Variants in RASA1 observed in about 807,000 individuals in gnomAD.
The protein encoded by RASA1 is ras GTPase-activating protein 1.
RASA1 carries 25 observed loss-of-function variants against 132.2 expected under a neutral mutation model. The ratio of observed to expected loss-of-function variants is 0.19; its 90% CI spans 0.14 to 0.26. RASA1 has a LOEUF of 0.26. Among genes scored for constraint, RASA1 ranks in the 10% least tolerant of loss-of-function variants. The pLI is 1.00. For synonymous variants in RASA1, 477 were observed against 449.9 expected (o/e 1.06, Z -0.76); for missense variants, 964 against 1,299.2 (o/e 0.74, Z 3.97).
intron 22 of RASA1, 29 bp from the exon 23 acceptor site, chr5:87,386,797 G>C: frequency 6.3e-7 from 1 of 1,584,668 alleles, no homozygotes; most frequent in African/African-American, 1.3e-5. Context: ...TGTTTCTGGT[G>C]CATATAACAG....
chr5:87,376,728 T>A, intron 16 of RASA1, 153 bp from the exon 17 acceptor site: 1 of 1,209,926 alleles, frequency 8.3e-7, no homozygotes, highest in Non-Finnish European at 1.2e-6. Context: ...TAGAAATAAG[T>A]AGACTACGAA....
intron 5 of RASA1, among the ~76,000 whole-genome samples, chr5:87,338,536 A>ATATTTTTTTTTTTT: frequency 2.3e-5 from 2 of 85,222 alleles, no homozygotes; most frequent in African/African-American, 8.8e-5. Context: ...TATATATAAA[A>ATATTTTTTTTTTTT]TTTTTTTTTT....
chr5:87,271,452 C>CTTTTTTTTTTTTT (rs201918763), intron 1 of RASA1, among the ~76,000 whole-genome samples: 2 of 38,228 alleles, frequency 5.2e-5, no homozygotes, highest in Non-Finnish European at 5.0e-5. Flanking sequence ...TAGTAGACTT[C>CTTTTTTTTTTTTT]TTTTTTTTTT....
At chr5:87,365,143 A>G (rs1252407985) in intron 11 of RASA1, among the ~76,000 whole-genome samples, 1 of 152,212 alleles carries the variant, frequency 6.6e-6, no homozygotes, top group Non-Finnish European at 1.5e-5. Context: ...TCAGTTGGAT[A>G]GTTGAGCAGA....
At chr5:87,367,222 G>A (rs568266110) in intron 11 of RASA1, among the ~76,000 whole-genome samples, 13 of 152,114 alleles carry the variant, frequency 8.5e-5, no homozygotes, top group South Asian at 2.1e-4. Context: ...CCATATAATA[G>A]GACAAGTAGA....
At chr5:87,303,232 C>T (rs1755458002) in intron 1 of RASA1, among the ~76,000 whole-genome samples, 1 of 152,092 alleles carries the variant, frequency 6.6e-6, no homozygotes, top group Non-Finnish European at 1.5e-5. Context: ...TGACCTTTTT[C>T]ATTTGTTCAG....
chr5:87,281,604 G>A (rs536226174), intron 1 of RASA1, among the ~76,000 whole-genome samples: 3 of 151,132 alleles, frequency 2.0e-5, no homozygotes, highest in East Asian at 1.9e-4. Flanking sequence ...TTTTTGAGAC[G>A]GAGGCTTGTT....
intron 1 of RASA1, among the ~76,000 whole-genome samples, chr5:87,307,268 G>T (rs1045251019): frequency 6.6e-5 from 10 of 152,014 alleles, no homozygotes; most frequent in Admixed American, 2.0e-4. Context: ...TAACTTTTCT[G>T]TATTTTCTGT....
intron 24 of RASA1, among the ~76,000 whole-genome samples, chr5:87,389,957 C>G (rs1367472533): frequency 6.6e-6 from 1 of 152,080 alleles, no homozygotes; most frequent in African/African-American, 2.4e-5. Flanking sequence ...AATTTCACAT[C>G]CAGAGGTTCT....
chr5:87,314,323 G>A (rs1293299647), intron 1 of RASA1, among the ~76,000 whole-genome samples: 1 of 152,222 alleles, frequency 6.6e-6, no homozygotes, highest in Non-Finnish European at 1.5e-5. Flanking sequence ...TAAGCAATGG[G>A]ACTTTTTCAG....
rs1267813364 is a variant in RASA1 at position 87,287,457 on chromosome 5, C to CAT, written c.539+18475_539+18476dup. The stretch of plus-strand genomic sequence containing the variant: ...CCATATATATACACCATATATATAC[C>CAT]ATATATATACACACCATATATATAC... On this transcript the variant is annotated intron_variant, in intron 1 of 24. Transcript: ENST00000274376. Among the ~76,000 whole-genome samples, 4 of 134,030 alleles carry CAT rather than the reference C, an allele frequency of 3.0e-5. 1 individual carries two copies. The highest frequency in any genetic ancestry group is 2.4e-4 in the South Asian group (1 of 4,084). The allele number at this position is 134,030 out of a possible 152,430, so 87.9% of individuals were successfully genotyped here.
intron 1 of RASA1, among the ~76,000 whole-genome samples, chr5:87,321,737 TGCCCACCTTCAC>T (rs1191970878): frequency 2.0e-5 from 3 of 152,258 alleles, no homozygotes; most frequent in Non-Finnish European, 4.4e-5. Flanking sequence ...CTCACCTTCT[TGCCCACCTTCAC>T]ATGTTCAGCT....
chr5:87,370,186 G>A (rs1760827172), intron 12 of RASA1, among the ~76,000 whole-genome samples: 1 of 152,140 alleles, frequency 6.6e-6, no homozygotes, highest in Non-Finnish European at 1.5e-5. Context: ...AATCCTCTCT[G>A]CATAAAGGTT....
intron 1 of RASA1, among the ~76,000 whole-genome samples, chr5:87,274,907 A>T (rs1414054383): frequency 6.6e-6 from 1 of 152,214 alleles, no homozygotes; most frequent in Non-Finnish European, 1.5e-5. Context: ...TCTGGTCTAC[A>T]GAACTTTTAG....
rs1015433842 is a variant in RASA1 at position 87,268,451 on chromosome 5, C to T, written c.-1C>T. ...TAGGGCAGAGTAGAGCGGGCTTCAA[C>T]ATGATGGCGGCCGAGGCCGGCAGTG... On this transcript the variant is annotated 5_prime_UTR_variant, in exon 1 of 25. Transcript: ENST00000274376. 12 of 1,545,442 alleles carry T rather than the reference C, an allele frequency of 7.8e-6. No individual in the cohort carries two copies. Among genetic ancestry groups the T allele is most frequent in the Non-Finnish European group, 1.0e-5 (12 of 1,144,866 alleles).
chr5:87,329,581 CA>C (rs1476937479), intron 1 of RASA1, among the ~76,000 whole-genome samples: 1 of 152,016 alleles, frequency 6.6e-6, no homozygotes, highest in African/African-American at 2.4e-5. Flanking sequence ...ATGGTAAGTT[CA>C]AAAGATGAAG....
intron 1 of RASA1, among the ~76,000 whole-genome samples, chr5:87,288,157 C>A (rs954123809): frequency 7.6e-5 from 11 of 144,024 alleles, no homozygotes; most frequent in African/African-American, 2.8e-4. Flanking sequence ...TATATATATA[C>A]CATATATATA....
At chr5:87,376,666 G>C in intron 16 of RASA1, 101 bp downstream of exon 16, 1 of 1,403,304 alleles carries the variant, frequency 7.1e-7, no homozygotes, top group Non-Finnish European at 9.9e-7. Flanking sequence ...TCATAGCTTA[G>C]TAGCACAATG....
chr5:87,374,304 G>A lies in RASA1; in HGVS notation c.1918G>A (p.Glu640Lys). Residue 640 changes from glutamate to lysine, a missense_variant, in exon 14 of 25, where the codon GAA (glutamate) becomes AAA (lysine). Glu to Lys is a moderately conservative substitution (Grantham distance 56, BLOSUM62 1). This residue lies in a region of RASA1 where 346 missense variants were observed against 520.1 expected (regional missense o/e 0.67). Transcript: ENST00000274376. ...GGAAGGGCAAAACCCAGTATGGTCAGAAGAGTTTGTCTTTGAGTAAGTCTT... is the reference window on the plus strand; with the variant it reads ...GGAAGGGCAAAACCCAGTATGGTCAAAAGAGTTTGTCTTTGAGTAAGTCTT... ...AREGQNPVWS[E>K]EFVFDDLPPD... The A allele has an allele frequency of 6.2e-7, 1 of 1,606,538 alleles. No individual in the cohort carries two copies.
Sources: allele counts gnomAD v4.1 joint callset (sites outside exome capture counted in the v4.1 genomes callset), GRCh38; gene constraint gnomAD v4.1.1; regional missense constraint gnomAD v4.1.1; transcripts MANE v1.5; gene names NCBI Gene and HGNC (gene_info 2026-07-23, HGNC 2026-07-21).